The following EDA variants were observed in gnomAD, a reference collection of about 807,000 sequenced individuals.
EDA encodes ectodysplasin A, also known as ectodysplasin-A.
EDA carries 2 observed loss-of-function variants against 23.6 expected under a neutral mutation model. That is an observed-to-expected ratio of 0.08 (90% confidence interval 0.03 to 0.27). The LOEUF (loss-of-function observed/expected upper bound fraction) is 0.27. Ranked by LOEUF, EDA falls within the 10% of genes least tolerant of loss-of-function variation. The pLI, the probability that EDA is intolerant of heterozygous loss-of-function variation, is 1.00. For synonymous variants in EDA, 131 were observed against 132.0 expected (o/e 0.99, Z 0.05); for missense variants, 229 against 324.2 (o/e 0.71, Z 2.26).
intron 2 of EDA, among the ~76,000 whole-genome samples, chrX:70,006,887 G>A (rs888404797): frequency 4.5e-5 from 5 of 110,760 alleles, no homozygotes; most frequent in Non-Finnish European, 9.5e-5. Context: ...TCTTATAAGA[G>A]TTTTATGGTT....
At chrX:70,031,328 A>G (rs2020196326) in intron 6 of EDA, among the ~76,000 whole-genome samples, 1 of 112,206 alleles carries the variant, frequency 8.9e-6, no homozygotes, top group African/African-American at 3.2e-5. Context: ...CCCCTGTGCT[A>G]CTTCAGTGAT....
At chrX:69,635,566 CTTTT>C (rs138087284) in intron 1 of EDA, among the ~76,000 whole-genome samples, 7 of 63,467 alleles carry the variant, frequency 1.1e-4, no homozygotes, top group Admixed American at 2.0e-4. Context: ...AACACCAAAT[CTTTT>C]TTTTTTTTTT....
At chrX:69,897,534 A>G (rs1046108724) in intron 1 of EDA, among the ~76,000 whole-genome samples, 9 of 112,235 alleles carry the variant, frequency 8.0e-5, no homozygotes, top group Non-Finnish European at 1.7e-4. Flanking sequence ...TACTAAAGAA[A>G]CTATTTCTTT....
intron 1 of EDA, among the ~76,000 whole-genome samples, chrX:69,674,668 C>T (rs1487236916): frequency 9.0e-6 from 1 of 111,715 alleles, no homozygotes; most frequent in South Asian, 3.8e-4. Context: ...GAATTGAATA[C>T]CTTTTGCCTT....
At chrX:69,679,122 G>A (rs62607566) in intron 1 of EDA, among the ~76,000 whole-genome samples, 6 of 109,155 alleles carry the variant, frequency 5.5e-5, no homozygotes, top group East Asian at 5.8e-4. Flanking sequence ...GCTGGATTAC[G>A]TTTATTGATT....
chrX:69,750,882 T>C (rs1434393337), intron 1 of EDA, among the ~76,000 whole-genome samples: 1 of 111,946 alleles, frequency 8.9e-6, no homozygotes, highest in Non-Finnish European at 1.9e-5. Flanking sequence ...TTGATTTTTT[T>C]CTTATAAATT....
chrX:69,703,733 A>G (rs1266631372), intron 1 of EDA, among the ~76,000 whole-genome samples: 2 of 111,780 alleles, frequency 1.8e-5, no homozygotes, highest in Non-Finnish European at 3.8e-5. Flanking sequence ...TTGCTGAGGC[A>G]TGCTGTTGGT....
chrX:69,777,091 G>T (rs2014807204), intron 1 of EDA, among the ~76,000 whole-genome samples: 1 of 110,824 alleles, frequency 9.0e-6, no homozygotes, highest in Non-Finnish European at 1.9e-5. Context: ...CAAAACCTAT[G>T]AGTCTTTTCT....
intron 1 of EDA, among the ~76,000 whole-genome samples, chrX:69,760,112 A>G (rs2014255170): frequency 1.0e-5 from 1 of 95,636 alleles, no homozygotes; most frequent in South Asian, 6.0e-4. Context: ...ACAGTCTAGT[A>G]TGGTTGGAAC....
intron 1 of EDA, among the ~76,000 whole-genome samples, chrX:69,678,605 A>C (rs964223937): frequency 2.8e-4 from 31 of 109,111 alleles, no homozygotes; most frequent in Non-Finnish European, 5.3e-4. Context: ...GAGTTCACTC[A>C]CGATTTGGCT....
intron 2 of EDA, among the ~76,000 whole-genome samples, chrX:69,976,093 A>C (rs1482229534): frequency 9.0e-6 from 1 of 111,298 alleles, no homozygotes; most frequent in East Asian, 2.8e-4. Flanking sequence ...CTGAAACCTT[A>C]ATTGAAAGTT....
At chrX:69,843,379 A>G (rs2016934519) in intron 1 of EDA, among the ~76,000 whole-genome samples, 1 of 112,086 alleles carries the variant, frequency 8.9e-6, no homozygotes, top group Admixed American at 9.5e-5. Flanking sequence ...CAGCTAAAAT[A>G]TTTAACAAAA....
intron 6 of EDA, among the ~76,000 whole-genome samples, chrX:70,033,135 T>A (rs1281892856): frequency 8.9e-6 from 1 of 112,707 alleles, no homozygotes; most frequent in Non-Finnish European, 1.9e-5. Context: ...AGGTATTGGT[T>A]AAAGACCCTT....
At chrX:69,827,655 G>A (rs772695996) in intron 1 of EDA, among the ~76,000 whole-genome samples, 27 of 111,381 alleles carry the variant, frequency 2.4e-4, no homozygotes, top group Admixed American at 4.8e-4. Flanking sequence ...ATTTCCTCCC[G>A]TAGCTTGGAG....
intron 2 of EDA, among the ~76,000 whole-genome samples, chrX:69,978,067 A>G (rs1469556914): frequency 9.0e-6 from 1 of 110,711 alleles, no homozygotes; most frequent in Non-Finnish European, 1.9e-5. Flanking sequence ...TGTGGCCACA[A>G]GGTCCTTTGG....
At chrX:69,764,101 G>C (rs958227144) in intron 1 of EDA, among the ~76,000 whole-genome samples, 7 of 109,593 alleles carry the variant, frequency 6.4e-5, no homozygotes, top group African/African-American at 2.3e-4. Flanking sequence ...ACAAAGGAAA[G>C]TGTATATGCC....
chrX:69,855,059 A>C (rs1307236780), intron 1 of EDA, among the ~76,000 whole-genome samples: 1 of 111,237 alleles, frequency 9.0e-6, no homozygotes, highest in African/African-American at 3.3e-5. Flanking sequence ...TTCCCTAATG[A>C]TCAGTGATGC....
intron 1 of EDA, among the ~76,000 whole-genome samples, chrX:69,766,725 C>T (rs764621953): frequency 4.5e-5 from 5 of 112,080 alleles, no homozygotes; most frequent in Non-Finnish European, 9.4e-5. Flanking sequence ...CATGTCTTTG[C>T]CATTGTGAAT....
chrX:69,679,688 G>A (rs1313539134), intron 1 of EDA, among the ~76,000 whole-genome samples: 30 of 111,357 alleles, frequency 2.7e-4, no homozygotes, highest in Non-Finnish European at 4.9e-4. Context: ...ATTTTTTATT[G>A]CGTCTATTTG....
Sources: gnomAD v4.1 joint callset for allele counts (sites outside exome capture counted in the v4.1 genomes callset) on GRCh38, gnomAD v4.1.1 for gene constraint, MANE v1.5 for transcripts, NCBI Gene and HGNC (gene_info 2026-07-23, HGNC 2026-07-21) for gene names.